The following TRPM1 variants were observed in gnomAD, a reference collection of about 807,000 sequenced individuals.
TRPM1 encodes the protein TRPM1-203 APA Isoform, Intron 10.
In TRPM1, 113 loss-of-function variants were observed where a neutral mutation model predicts 149.4. The observed-to-expected ratio is 0.76, with a 90% confidence interval of 0.65 to 0.88. The LOEUF is 0.88. Among genes scored for constraint, TRPM1 ranks in the 40% least tolerant of loss-of-function variants. The probability of loss-of-function intolerance (pLI) is 0.00; values close to 1 mark genes in which losing one functional copy is unlikely to be tolerated. For missense variants in TRPM1, 1,976 were observed against 2,038.7 expected (o/e 0.97, Z 0.59); for synonymous variants, 741 against 759.5 (o/e 0.98, Z 0.40).
At chr15:31,152,896 G>T (rs556534008) in intron 1 of TRPM1, among the ~76,000 whole-genome samples, 302 of 152,276 alleles carry the variant, frequency 2.0e-3, no homozygotes, top group African/African-American at 6.7e-3. Context: ...TCTTGCCTCA[G>T]CCTCCTAAAG....
At chr15:31,104,863 G>T (rs1175538265), upstream of TRPM1, among the ~76,000 whole-genome samples, 1 of 151,914 alleles carries the variant, frequency 6.6e-6, no homozygotes, top group African/African-American at 2.4e-5. Context: ...CAAAGTGCTG[G>T]GATTACAGGT....
In TRPM1 at chr15:31,082,410, G is replaced by A. The variant is rs151036343; in HGVS notation, c.-83-972C>T. Among the ~76,000 whole-genome samples, 1,209 of 152,172 alleles carry A rather than the reference G, an allele frequency of 7.9e-3. 5 individuals are homozygous for A. Among genetic ancestry groups the A allele is most frequent in the Non-Finnish European group, 0.01 (703 of 68,006 alleles). ...GGCGGACTGCTGGCACTGCCACCAC[G>A]CCCCCAACCCCTCTGAGCTGTGATT... is the stretch of plus-strand genomic sequence containing the variant. On this transcript the variant is annotated intron_variant, in intron 1 of 27. Transcript: ENST00000256552.
chr15:31,047,930 G>A lies in TRPM1; in HGVS notation c.1582C>T (p.Pro528Ser). The A allele has an allele frequency of 6.2e-7, 1 of 1,613,910 alleles. No homozygotes were observed. The highest frequency in any genetic ancestry group is 1.1e-5 in the South Asian group (1 of 91,078). Residue 528 changes from proline (P) to serine (S), a missense_variant, in exon 14 of 28, where the codon CCA (proline) becomes TCA (serine). By Grantham distance (74) the Pro-to-Ser change is moderately conservative (BLOSUM62 -1). Around this residue, in one of 3 missense-constraint regions of TRPM1, gnomAD observed 1,332 missense variants for 1,347.1 expected, o/e 0.99. Coordinates refer to ENST00000256552, the MANE Select transcript of TRPM1 (RefSeq NM_001252024.2). ...ACCAGCAGATGAAGTGTGTTTGGTG[G>A]ACCCAGTCTCTGAAAGAGAAGCATT... ...LEELYNTRLG[P>S]PNTLHLLVRD...
At position 31,066,059 on chromosome 15, in the gene TRPM1, C is replaced by A. The variant is rs1258384936; in HGVS notation, c.790+17G>T. The A allele has an allele frequency of 6.2e-7, 1 of 1,612,364 alleles. No homozygotes were observed. The highest frequency in any genetic ancestry group is 8.5e-7 in the Non-Finnish European group (1 of 1,178,738). Reference sequence around the variant, plus strand: ...GGCATCAGCCCAGGAGGACTGCGTGCCTTTGCCAGCACTTACTTGTGTTGA... The same window carrying A: ...GGCATCAGCCCAGGAGGACTGCGTGACTTTGCCAGCACTTACTTGTGTTGA... On this transcript the variant is annotated intron_variant, in intron 7 of 27. Coordinates refer to ENST00000256552, the MANE Select transcript of TRPM1 (RefSeq NM_001252024.2).
chr15:31,013,361 G>A (rs990938629), intron 27 of TRPM1, among the ~76,000 whole-genome samples: 1 of 151,240 alleles, frequency 6.6e-6, no homozygotes, highest in Non-Finnish European at 1.5e-5. Context: ...TTGAGACCTC[G>A]TCTACTACTT....
chr15:31,029,975 A>C (rs2032992668), intron 23 of TRPM1, among the ~76,000 whole-genome samples: 1 of 152,204 alleles, frequency 6.6e-6, no homozygotes, highest in African/African-American at 2.4e-5. Context: ...TATCTACCTA[A>C]ACTAATATTC....
Position 31,002,351 on chromosome 15 carries a change from G to A in TRPM1, c.4349C>T (p.Thr1450Met), listed in dbSNP as rs113814575. ...TKITRYFPDE[T>M]INACKTMKSR... ...CTTCATTGTTTTACAAGCATTGATC[G>A]TTTCATCGGGGAAATAGCGTGTAAT... Residue 1450 changes from threonine (T) to methionine (M), a missense_variant, in exon 28 of 28, where the codon ACG (threonine) becomes ATG (methionine). Coordinates refer to ENST00000256552, the MANE Select transcript of TRPM1 (RefSeq NM_001252024.2). The A allele has an allele frequency of 6.9e-4, 1,118 of 1,614,182 alleles. 1 individual carries two copies. In the African/African-American group the frequency reaches 8.2e-3, roughly 12 times the overall value.
At chr15:31,086,517 G>A (rs1055558540) in intron 1 of TRPM1, among the ~76,000 whole-genome samples, 2 of 152,218 alleles carry the variant, frequency 1.3e-5, no homozygotes, top group Non-Finnish European at 2.9e-5. Flanking sequence ...GTGGTGACCA[G>A]GGACATGATG....
At chr15:31,141,294 CA>C (rs1312108456) in intron 1 of TRPM1, among the ~76,000 whole-genome samples, 2 of 152,000 alleles carry the variant, frequency 1.3e-5, no homozygotes, top group Non-Finnish European at 1.5e-5. Flanking sequence ...CCTAGGCTTT[CA>C]CTAGAAATTA....
chr15:31,008,936 A>G (rs566403725), intron 27 of TRPM1, among the ~76,000 whole-genome samples: 6 of 152,212 alleles, frequency 3.9e-5, no homozygotes, highest in Non-Finnish European at 8.8e-5. Context: ...ACTGTCAAAT[A>G]TACTTTAAAG....
At chr15:31,136,918 A>G (rs1409870872) in intron 1 of TRPM1, among the ~76,000 whole-genome samples, 1 of 152,102 alleles carries the variant, frequency 6.6e-6, no homozygotes, top group African/African-American at 2.4e-5. Flanking sequence ...TCTGGCAACC[A>G]AGGAAGGAAC....
intron 1 of TRPM1, among the ~76,000 whole-genome samples, chr15:31,130,058 G>C (rs966002693): frequency 3.0e-4 from 46 of 152,208 alleles, no homozygotes; most frequent in African/African-American, 1.0e-3. Flanking sequence ...GTTCCATACA[G>C]ATCGGGAAGT....
intron 1 of TRPM1, among the ~76,000 whole-genome samples, chr15:31,130,205 G>A (rs963841368): frequency 6.6e-6 from 1 of 152,184 alleles, no homozygotes; most frequent in Non-Finnish European, 1.5e-5. Context: ...CCTGGCATCT[G>A]ACCTTTGTGC....
At chr15:31,046,171 A>G in intron 16 of TRPM1, 33 bp downstream of exon 16, 1 of 1,607,804 alleles carries the variant, frequency 6.2e-7, no homozygotes, top group Non-Finnish European at 8.5e-7. Flanking sequence ...TGACCAGGAT[A>G]TTATAAAACT....
intron 1 of TRPM1, among the ~76,000 whole-genome samples, chr15:31,110,704 T>C (rs901350575): frequency 1.3e-5 from 2 of 152,110 alleles, no homozygotes; most frequent in African/African-American, 4.8e-5. Context: ...GCCCCTCTAT[T>C]GCTCCCCATC....
At chr15:31,127,708 A>T (rs547225762) in intron 1 of TRPM1, among the ~76,000 whole-genome samples, 3 of 152,226 alleles carry the variant, frequency 2.0e-5, no homozygotes, top group Admixed American at 6.5e-5. Flanking sequence ...GAGCTACCAG[A>T]GCTTCAAGAG....
chr15:31,026,867 A>G (rs774785465), intron 26 of TRPM1, 48 bp downstream of exon 26: 3 of 1,587,620 alleles, frequency 1.9e-6, no homozygotes, highest in Non-Finnish European at 2.6e-6. Flanking sequence ...CAATTTGAAC[A>G]CTATTTTGAA....
intron 11 of TRPM1, among the ~76,000 whole-genome samples, chr15:31,050,796 C>T (rs1036002580): frequency 1.2e-4 from 18 of 152,304 alleles, no homozygotes; most frequent in African/African-American, 3.8e-4. Flanking sequence ...ACTCAGTCGT[C>T]GCAGGCCTGG....
At chr15:31,125,505 C>A (rs530998095) in intron 1 of TRPM1, among the ~76,000 whole-genome samples, 4 of 150,798 alleles carry the variant, frequency 2.7e-5, no homozygotes, top group South Asian at 2.1e-4. Flanking sequence ...CCGAGGCGGG[C>A]GGATCACGAG....
Sources: allele counts gnomAD v4.1 joint callset (sites outside exome capture counted in the v4.1 genomes callset), GRCh38; gene constraint gnomAD v4.1.1; regional missense constraint gnomAD v4.1.1; transcripts MANE v1.5; gene names NCBI Gene and HGNC (gene_info 2026-07-23, HGNC 2026-07-21).